Variants in ALPK1 observed in about 807,000 individuals in gnomAD.
The protein encoded by ALPK1 is alpha-protein kinase 1.
ALPK1 carries 110 observed loss-of-function variants against 120.6 expected under a neutral mutation model. That is an observed-to-expected ratio of 0.91 (90% confidence interval 0.78 to 1.07). The LOEUF (loss-of-function observed/expected upper bound fraction) is 1.07. ALPK1 is among the 50% of genes least tolerant of loss of function. The pLI is 0.00. For synonymous variants in ALPK1, 582 were observed against 560.3 expected, an observed-to-expected ratio of 1.04 and a Z score of -0.55; for missense variants, 1,498 against 1,483.9, an observed-to-expected ratio of 1.01 and a Z score of -0.16.
chr4:112,426,221 C>T (rs1734225340), intron 7 of ALPK1: 1 of 265,512 alleles, frequency 3.8e-6, no homozygotes, highest in Non-Finnish European at 7.0e-6. Flanking sequence ...ACTGAGATAA[C>T]TACATATATT....
chr4:112,368,197 C>A (rs1388905390), intron 2 of ALPK1, among the ~76,000 whole-genome samples: 5 of 152,218 alleles, frequency 3.3e-5, no homozygotes, highest in Non-Finnish European at 7.3e-5. Flanking sequence ...GGATTACAGG[C>A]ATGAGCCACT....
At chr4:112,369,749 C>G (rs1327539665) in intron 2 of ALPK1, among the ~76,000 whole-genome samples, 1 of 152,188 alleles carries the variant, frequency 6.6e-6, no homozygotes, top group Non-Finnish European at 1.5e-5. Flanking sequence ...TAAATAGGCT[C>G]TGTGGGCTTG....
At chr4:112,311,639 G>A (rs954681766) in intron 1 of ALPK1, among the ~76,000 whole-genome samples, 2 of 152,164 alleles carry the variant, frequency 1.3e-5, no homozygotes, top group East Asian at 1.9e-4. Flanking sequence ...GTCCTTCAAG[G>A]TGCCTTCCTG....
chr4:112,426,657 T>A, intron 8 of ALPK1, 114 bp downstream of exon 8: 1 of 951,666 alleles, frequency 1.1e-6, no homozygotes, highest in Admixed American at 3.2e-5. Flanking sequence ...TATTTTTATT[T>A]ATTTTTCACA....
chr4:112,301,926 T>A (rs1177048398), intron 1 of ALPK1, among the ~76,000 whole-genome samples: 1 of 152,032 alleles, frequency 6.6e-6, no homozygotes, highest in Non-Finnish European at 1.5e-5. Context: ...CATCATCCAA[T>A]TACAGTGTCT....
At chr4:112,365,653 T>A (rs1731111491) in intron 2 of ALPK1, among the ~76,000 whole-genome samples, 1 of 152,072 alleles carries the variant, frequency 6.6e-6, no homozygotes, top group African/African-American at 2.4e-5. Context: ...ATAAATTCAA[T>A]GCAATTCCCA....
At chr4:112,313,515 G>A (rs1346582255) in intron 1 of ALPK1, among the ~76,000 whole-genome samples, 1 of 152,194 alleles carries the variant, frequency 6.6e-6, no homozygotes, top group Non-Finnish European at 1.5e-5. Flanking sequence ...TTGAGGTCAG[G>A]AGTTCGAGAC....
At chr4:112,327,106 A>T (rs538488703) in intron 2 of ALPK1, among the ~76,000 whole-genome samples, 1 of 152,346 alleles carries the variant, frequency 6.6e-6, no homozygotes, top group African/African-American at 2.4e-5. Context: ...AGCCATAGAC[A>T]GTCATTCTAG....
At chr4:112,311,090 C>T (rs974717207) in intron 1 of ALPK1, among the ~76,000 whole-genome samples, 4 of 152,106 alleles carry the variant, frequency 2.6e-5, no homozygotes, top group Non-Finnish European at 5.9e-5. Context: ...CAGTGTGCAA[C>T]GAATACAAAA....
intron 2 of ALPK1, chr4:112,357,399 C>G: frequency 1.4e-6 from 1 of 692,212 alleles, no homozygotes; most frequent in Non-Finnish European, 2.6e-6. Flanking sequence ...CACATCCATC[C>G]TGATGCCAGT....
chr4:112,332,627 T>C (rs1263224374), intron 2 of ALPK1, among the ~76,000 whole-genome samples: 1 of 152,262 alleles, frequency 6.6e-6, no homozygotes, highest in East Asian at 1.9e-4. Context: ...AATGTAGGAA[T>C]TCTGCCACTT....
chr4:112,392,009 G>T (rs1254045858), intron 4 of ALPK1, among the ~76,000 whole-genome samples: 1 of 152,066 alleles, frequency 6.6e-6, no homozygotes, highest in Non-Finnish European at 1.5e-5. Context: ...TATTTCAACA[G>T]AAATGCTTCT....
intron 1 of ALPK1, among the ~76,000 whole-genome samples, chr4:112,304,403 C>T (rs1226818803): frequency 6.6e-6 from 1 of 152,138 alleles, no homozygotes; most frequent in Non-Finnish European, 1.5e-5. Context: ...ACATCCTCTC[C>T]AGCACCTGTT....
intron 2 of ALPK1, among the ~76,000 whole-genome samples, chr4:112,355,266 T>G (rs1041973733): frequency 1.6e-4 from 25 of 152,246 alleles, no homozygotes; most frequent in Admixed American, 5.9e-4. Context: ...TATTGGGTTG[T>G]TGAACGATTT....
At chr4:112,385,371 A>G (rs1392392880) in intron 4 of ALPK1, among the ~76,000 whole-genome samples, 1 of 152,152 alleles carries the variant, frequency 6.6e-6, no homozygotes, top group African/African-American at 2.4e-5. Flanking sequence ...TAGAGAATTT[A>G]AGAAGTTTGA....
chr4:112,345,670 C>G (rs551205934), intron 2 of ALPK1, among the ~76,000 whole-genome samples: 1 of 152,030 alleles, frequency 6.6e-6, no homozygotes, highest in Non-Finnish European at 1.5e-5. Flanking sequence ...TTAAAAATTT[C>G]GAATATGTTG....
intron 2 of ALPK1, among the ~76,000 whole-genome samples, chr4:112,373,837 T>C (rs144675831): frequency 5.4e-4 from 83 of 152,360 alleles, no homozygotes; most frequent in African/African-American, 1.9e-3. Flanking sequence ...TGTACAATCA[T>C]ACTATGTCTA....
intron 2 of ALPK1, among the ~76,000 whole-genome samples, chr4:112,320,055 C>A (rs551410611): frequency 6.6e-6 from 1 of 152,326 alleles, no homozygotes; most frequent in East Asian, 1.9e-4. Flanking sequence ...TATCTGATTG[C>A]TCTGGCTAGG....
chr4:112,329,442 G>A (rs1440386354), intron 2 of ALPK1, among the ~76,000 whole-genome samples: 1 of 152,078 alleles, frequency 6.6e-6, no homozygotes, highest in Non-Finnish European at 1.5e-5. Flanking sequence ...CATTACCCCT[G>A]CCCAGACCCA....
Sources: allele counts gnomAD v4.1 joint callset (sites outside exome capture counted in the v4.1 genomes callset), GRCh38; gene constraint gnomAD v4.1.1; transcripts MANE v1.5; gene names NCBI Gene and HGNC (gene_info 2026-07-23, HGNC 2026-07-21).